FOXP2: variants seen among roughly 807,000 people sequenced by gnomAD.
The protein encoded by FOXP2 is forkhead box P2.
In FOXP2, 12 loss-of-function variants were observed where a neutral mutation model predicts 115.8. That is an observed-to-expected ratio of 0.10 (90% CI 0.07 to 0.17). The LOEUF (loss-of-function observed/expected upper bound fraction) is 0.17. FOXP2 is among the 10% of genes least tolerant of loss of function. The pLI is 1.00. For missense variants in FOXP2, 629 were observed against 843.5 expected (o/e 0.75, Z 3.15); for synonymous variants, 328 against 297.7 (o/e 1.10, Z -1.05).
At chr7:114,313,794 ATT>A (rs1797207464) in intron 2 of FOXP2, among the ~76,000 whole-genome samples, 1 of 152,104 alleles carries the variant, frequency 6.6e-6, no homozygotes, top group South Asian at 2.1e-4. Flanking sequence ...AAATTGTATA[ATT>A]TTGTATAATG....
chr7:114,667,829 A>G (rs1255472305), intron 16 of FOXP2: 1 of 152,166 alleles, frequency 6.6e-6, no homozygotes, highest in Admixed American at 6.6e-5. Flanking sequence ...AATGAAACTC[A>G]TGTATAGGAG....
intron 1 of FOXP2, among the ~76,000 whole-genome samples, chr7:114,263,898 G>A (rs1795824632): frequency 6.6e-6 from 1 of 151,814 alleles, no homozygotes; most frequent in Non-Finnish European, 1.5e-5. Flanking sequence ...TCCTTCTAAA[G>A]TCAGCTCACA....
intron 1 of FOXP2, among the ~76,000 whole-genome samples, chr7:114,260,531 T>TA (rs1056298229): frequency 2.6e-5 from 4 of 151,938 alleles, no homozygotes; most frequent in African/African-American, 9.7e-5. Flanking sequence ...TGACTCTATT[T>TA]AAAAAAAATT....
chr7:114,690,022 A>C lies in FOXP2; in HGVS notation c.*96A>C, dbSNP rs765304609. 1 of 1,467,718 alleles carries C rather than the reference A, an allele frequency of 6.8e-7. No individual in the cohort carries two copies. Among genetic ancestry groups the C allele is most frequent in the Non-Finnish European group, 9.4e-7 (1 of 1,058,568 alleles). The allele number at this position is 1,467,718 out of a possible 1,614,324, so 90.9% of individuals were successfully genotyped here. ...TATTTGACAAATTTTTACTGTGACTATTTATTAAGCATGGATAAAGGAGAC... is the reference window on the plus strand; with the variant it reads ...TATTTGACAAATTTTTACTGTGACTCTTTATTAAGCATGGATAAAGGAGAC... On this transcript the variant is annotated 3_prime_UTR_variant, in exon 17 of 17. Transcript: ENST00000350908.
chr7:114,381,812 A>G (rs555810410), intron 2 of FOXP2, among the ~76,000 whole-genome samples: 5 of 151,996 alleles, frequency 3.3e-5, no homozygotes, highest in African/African-American at 7.2e-5. Flanking sequence ...GTCCTTTACA[A>G]TCTTTTGGAG....
At chr7:114,677,187 C>A (rs143691028) in intron 16 of FOXP2, among the ~76,000 whole-genome samples, 76 of 134,182 alleles carry the variant, frequency 5.7e-4, no homozygotes, top group African/African-American at 1.5e-3. Context: ...AAAAAAAAAA[C>A]AAAAAAAACA....
chr7:114,407,634 A>C (rs1793065891), intron 2 of FOXP2, among the ~76,000 whole-genome samples: 1 of 152,162 alleles, frequency 6.6e-6, no homozygotes, highest in South Asian at 2.1e-4. Flanking sequence ...AGCAGAGAAC[A>C]AGAAAAAAAA....
intron 2 of FOXP2, among the ~76,000 whole-genome samples, chr7:114,402,991 C>T (rs533055526): frequency 6.6e-6 from 1 of 152,256 alleles, no homozygotes; most frequent in African/African-American, 2.4e-5. Context: ...CTACACCTTA[C>T]CAGCTACATC....
In FOXP2 at chr7:114,255,651, A is replaced by G. The variant is rs568504789; in HGVS notation, c.-101-32368A>G. ...GTTAAGACCATTGGAAAAGCGCAGT[A>G]TTAAGGTGGGAGTGACCCAATTTTC... is the stretch of plus-strand genomic sequence containing the variant. On this transcript the variant is annotated intron_variant, in intron 1 of 17. Coordinates refer to the FOXP2 transcript ENST00000634411. Among the ~76,000 whole-genome samples the G allele has an allele frequency of 3.9e-5, 6 of 152,302 alleles. No homozygotes were observed. In the South Asian group the frequency reaches 1.2e-3, roughly 32 times the overall value.
intron 1 of FOXP2, among the ~76,000 whole-genome samples, chr7:114,424,835 T>G (rs572647554): frequency 6.6e-6 from 1 of 151,658 alleles, no homozygotes; most frequent in African/African-American, 2.4e-5. Flanking sequence ...CCAAACAGCT[T>G]TAAGTTGTAT....
At chr7:114,638,445 A>G (rs946486561) in intron 6 of FOXP2, among the ~76,000 whole-genome samples, 34 of 152,198 alleles carry the variant, frequency 2.2e-4, no homozygotes, top group Admixed American at 2.0e-4. Flanking sequence ...TTACTGCCTC[A>G]AGAATAACCT....
intron 1 of FOXP2, among the ~76,000 whole-genome samples, chr7:114,416,812 T>A (rs755104140): frequency 3.3e-5 from 5 of 151,948 alleles, no homozygotes; most frequent in Non-Finnish European, 7.4e-5. Flanking sequence ...GAAAGCAGAG[T>A]CCTATACCTA....
chr7:114,480,793 G>A (rs1038642941), intron 2 of FOXP2, among the ~76,000 whole-genome samples: 2 of 150,206 alleles, frequency 1.3e-5, no homozygotes, highest in African/African-American at 2.4e-5. Context: ...ATGCACAACC[G>A]TATATTACCT....
In FOXP2 at chr7:114,286,932, A is replaced by T. The variant is rs1299499829; in HGVS notation, c.-101-1087A>T. On this transcript the variant is annotated intron_variant, in intron 1 of 17. Transcript: ENST00000634411. ...AGGGTTCTTTAGCTTAAAAGTGTTT[A>T]GAAATGATTTCAATACAATTAGTGA... Among the ~76,000 whole-genome samples the T allele has an allele frequency of 7.9e-5, 12 of 152,058 alleles. No individual in the cohort carries two copies. In the East Asian group the frequency reaches 2.1e-3, roughly 27 times the overall value.
chr7:114,418,676 C>CA (rs34291892), intron 1 of FOXP2, among the ~76,000 whole-genome samples: 38 of 146,202 alleles, frequency 2.6e-4, no homozygotes, highest in East Asian at 1.2e-3. Flanking sequence ...GCTGTGGGTT[C>CA]AAAAAAAAAA....
intron 1 of FOXP2, among the ~76,000 whole-genome samples, chr7:114,249,515 C>T (rs560998756): frequency 6.5e-4 from 99 of 152,226 alleles, no homozygotes; most frequent in African/African-American, 2.4e-3. Context: ...GCTTCCAGCT[C>T]CATCCATGCC....
chr7:114,502,519 T>C (rs1797613131), intron 2 of FOXP2, among the ~76,000 whole-genome samples: 1 of 152,046 alleles, frequency 6.6e-6, no homozygotes, highest in Non-Finnish European at 1.5e-5. Context: ...AAGTTCACAG[T>C]TGTAGCGATA....
chr7:114,356,199 A>G (rs1025473519), intron 2 of FOXP2, among the ~76,000 whole-genome samples: 1 of 152,170 alleles, frequency 6.6e-6, no homozygotes, highest in African/African-American at 2.4e-5. Context: ...AATAAAATGT[A>G]TCTTCTATTA....
At chr7:114,529,102 T>C (rs1799015364) in intron 2 of FOXP2, among the ~76,000 whole-genome samples, 1 of 151,918 alleles carries the variant, frequency 6.6e-6, no homozygotes, top group Admixed American at 6.6e-5. Context: ...GTGAAGAACA[T>C]AGAGCTAGGA....
Sources: allele counts gnomAD v4.1 joint callset (sites outside exome capture counted in the v4.1 genomes callset), GRCh38; gene constraint gnomAD v4.1.1; transcripts MANE v1.5; gene names NCBI Gene and HGNC (gene_info 2026-07-23, HGNC 2026-07-21).